GPR161: variants seen among roughly 807,000 people sequenced by gnomAD.
The protein encoded by GPR161 is G-protein coupled receptor RE2.
Under a neutral mutation model 39.2 loss-of-function variants are expected in GPR161, and 25 were observed. That is an observed-to-expected ratio of 0.64 (90% CI 0.47 to 0.89). The LOEUF is 0.89. Among genes scored for constraint, GPR161 ranks in the 40% least tolerant of loss-of-function variants. The pLI, the probability that GPR161 is intolerant of heterozygous loss-of-function variation, is 0.00. For missense variants in GPR161, 547 were observed against 677.8 expected, an observed-to-expected ratio of 0.81 and a Z score of 2.14; for synonymous variants, 286 against 276.6, an observed-to-expected ratio of 1.03 and a Z score of -0.34.
chr1:168,087,058 AAAC>A (rs1006873752), intron 5 of GPR161, among the ~76,000 whole-genome samples: 1 of 152,210 alleles, frequency 6.6e-6, no homozygotes, highest in African/African-American at 2.4e-5. Context: ...GTTCCAGAGT[AAAC>A]AACAGTCCCT....
At chr1:168,110,752 C>T (rs910351084) in intron 1 of GPR161, among the ~76,000 whole-genome samples, 3 of 151,696 alleles carry the variant, frequency 2.0e-5, no homozygotes, top group Non-Finnish European at 4.4e-5. Context: ...GGTGAAACCC[C>T]GTCTCTACTA....
rs1359717217 is a variant in GPR161 at position 168,084,958 on chromosome 1, C to T, written c.*573G>A. On this transcript the variant is annotated 3_prime_UTR_variant, in exon 6 of 6. Coordinates refer to ENST00000682931, the MANE Select transcript of GPR161 (RefSeq NM_001375883.1). ...GGCGCCACTGAGGACCGCTCCGAAG[C>T]GCTCTGCTCCTGGGTGCTTTCTCTG... The T allele has an allele frequency of 4.4e-6, 2 of 456,160 alleles. No individual in the cohort carries two copies. Among genetic ancestry groups the T allele is most frequent in the East Asian group, 6.9e-5 (1 of 14,402 alleles). The allele number at this position is 456,160 out of a possible 1,614,324, so 28.3% of individuals were successfully genotyped here. A position where few individuals can be genotyped will look rare whatever the true frequency, so the allele number is the denominator to read the frequency against.
intron 1 of GPR161, among the ~76,000 whole-genome samples, chr1:168,107,682 A>G (rs1450336113): frequency 6.6e-6 from 1 of 152,234 alleles, no homozygotes; most frequent in Non-Finnish European, 1.5e-5. Flanking sequence ...AAAGACAAAG[A>G]CCTAAACACA....
At chr1:168,102,428 G>A (rs772507357) in intron 2 of GPR161, among the ~76,000 whole-genome samples, 16 of 152,304 alleles carry the variant, frequency 1.1e-4, no homozygotes, top group Middle Eastern at 3.4e-3. Context: ...AACCCCTGGT[G>A]GGCAGGGTCT....
chr1:168,099,004 C>A (rs1256617659), intron 2 of GPR161, among the ~76,000 whole-genome samples: 1 of 152,210 alleles, frequency 6.6e-6, no homozygotes, highest in Non-Finnish European at 1.5e-5. Context: ...ACCCACATCA[C>A]AGGTCTGCTC....
intron 1 of GPR161, among the ~76,000 whole-genome samples, chr1:168,130,185 C>T (rs1318708448): frequency 6.6e-6 from 1 of 152,220 alleles, no homozygotes; most frequent in Non-Finnish European, 1.5e-5. Context: ...AATTAACTGT[C>T]GGCCTCCTCG....
intron 1 of GPR161, among the ~76,000 whole-genome samples, chr1:168,108,486 T>TAAAAAAAAAAAAAAAAAAAAA: frequency 5.7e-5 from 1 of 17,472 alleles, no homozygotes; most frequent in Non-Finnish European, 8.8e-5. Flanking sequence ...GCCCTAGTTG[T>TAAAAAAAAAAAAAAAAAAAAA]AAAAAAAAAA....
At chr1:168,101,380 G>A (rs1696089008) in intron 2 of GPR161, among the ~76,000 whole-genome samples, 1 of 152,200 alleles carries the variant, frequency 6.6e-6, no homozygotes, top group Admixed American at 6.5e-5. Flanking sequence ...CTGGTGGGTA[G>A]AGGCCAGGAT....
upstream of GPR161, chr1:168,136,948 G>GGGCCCGCCC: frequency 1.1e-6 from 1 of 910,998 alleles, no homozygotes; most frequent in Non-Finnish European, 1.3e-6. Context: ...CGGCGCCCGC[G>GGGCCCGCCC]CCCCGCCCCG....
intron 1 of GPR161, among the ~76,000 whole-genome samples, chr1:168,127,671 A>T (rs527338034): frequency 6.6e-6 from 1 of 152,222 alleles, no homozygotes; most frequent in South Asian, 2.1e-4. Context: ...GCAGGCAAAA[A>T]TTCCCATTTT....
intron 5 of GPR161, among the ~76,000 whole-genome samples, chr1:168,086,570 C>A (rs574868282): frequency 2.2e-4 from 33 of 152,304 alleles, no homozygotes; most frequent in African/African-American, 7.9e-4. Flanking sequence ...GGGAGGACCC[C>A]CTGGCAGTGC....
chr1:168,132,848 G>T (rs967970256), intron 1 of GPR161, among the ~76,000 whole-genome samples: 3 of 151,990 alleles, frequency 2.0e-5, no homozygotes, highest in African/African-American at 7.2e-5. Context: ...GGGTTCAAGC[G>T]ATTCTCCTGC....
chr1:168,110,306 C>A (rs1697005333), intron 1 of GPR161, among the ~76,000 whole-genome samples: 1 of 151,796 alleles, frequency 6.6e-6, no homozygotes, highest in Admixed American at 6.6e-5. Flanking sequence ...GAGTTCGAGA[C>A]CACCCAGGGA....
intron 3 of GPR161, among the ~76,000 whole-genome samples, chr1:168,092,729 C>T (rs1013183567): frequency 5.9e-5 from 9 of 152,202 alleles, no homozygotes; most frequent in East Asian, 3.9e-4. Flanking sequence ...AGCAAAGGAA[C>T]TTAGGAAGGC....
chr1:168,096,483 G>A, intron 3 of GPR161, 25 bp downstream of exon 3: 2 of 1,602,036 alleles, frequency 1.2e-6, no homozygotes, highest in Admixed American at 1.7e-5. Context: ...CCTCGGAGGG[G>A]CTATCCTAAC....
chr1:168,105,012 T>TACAG, intron 1 of GPR161, 118 bp from the exon 2 acceptor site: 1 of 710,654 alleles, frequency 1.4e-6, no homozygotes, highest in Non-Finnish European at 2.3e-6. Flanking sequence ...ACCCAGCTAG[T>TACAG]ACAGACTCTC....
chr1:168,120,560 G>T (rs1698083846), intron 1 of GPR161, among the ~76,000 whole-genome samples: 1 of 152,154 alleles, frequency 6.6e-6, no homozygotes, highest in African/African-American at 2.4e-5. Context: ...ATGTGAAAAG[G>T]ACATTAGATT....
chr1:168,104,695 C>A lies in GPR161; in HGVS notation c.156G>T (p.Leu52Phe). Residue 52 changes from leucine to phenylalanine, a missense_variant, in exon 2 of 6, where the codon TTG becomes TTT. Coordinates refer to ENST00000682931, the MANE Select transcript of GPR161 (RefSeq NM_001375883.1). ...GGGTGAGGAGGTAGGACTTCTTGTA[C>A]AAGGTGACCACGATGACCAGGTTTC... ...CLGNLVIVVT[L>F]YKKSYLLTLS... The A allele has an allele frequency of 6.2e-7, 1 of 1,613,888 alleles. No individual in the cohort carries two copies. Among genetic ancestry groups the A allele is most frequent in the Non-Finnish European group, 8.5e-7 (1 of 1,179,792 alleles).
chr1:168,109,809 A>C (rs1696952221), intron 1 of GPR161, among the ~76,000 whole-genome samples: 1 of 152,070 alleles, frequency 6.6e-6, no homozygotes, highest in South Asian at 2.1e-4. Context: ...TCTACTAAAA[A>C]TACAAAAATT....
Sources: allele counts gnomAD v4.1 joint callset (sites outside exome capture counted in the v4.1 genomes callset), GRCh38; gene constraint gnomAD v4.1.1; transcripts MANE v1.5; gene names NCBI Gene and HGNC (gene_info 2026-07-23, HGNC 2026-07-21).